The following PTPRR variants were observed in gnomAD, a reference collection of about 807,000 sequenced individuals.
PTPRR encodes protein tyrosine phosphatase receptor type R, also known as receptor-type tyrosine-protein phosphatase R.
PTPRR carries 38 observed loss-of-function variants against 77.2 expected under a neutral mutation model. The observed-to-expected ratio is 0.49, with a 90% CI of 0.38 to 0.65. PTPRR has a LOEUF of 0.65. Among genes scored for constraint, PTPRR ranks in the 30% least tolerant of loss-of-function variants. The pLI is 0.00. For synonymous variants in PTPRR, 299 were observed against 283.1 expected (o/e 1.06, Z -0.57); for missense variants, 744 against 799.2 (o/e 0.93, Z 0.83).
intron 1 of PTPRR, among the ~76,000 whole-genome samples, chr12:70,913,473 T>C (rs766317266): frequency 6.6e-6 from 1 of 152,172 alleles, no homozygotes; most frequent in African/African-American, 2.4e-5. Context: ...GGTTAGGAGT[T>C]CCGGGTCCAT....
At chr12:70,649,438 A>G (rs1198331094) in intron 13 of PTPRR, among the ~76,000 whole-genome samples, 2 of 152,232 alleles carry the variant, frequency 1.3e-5, no homozygotes, top group East Asian at 3.8e-4. Flanking sequence ...TTGTTAAAAA[A>G]GAGTAGAAAA....
At chr12:70,726,947 G>T (rs548388601) in intron 6 of PTPRR, among the ~76,000 whole-genome samples, 1 of 151,806 alleles carries the variant, frequency 6.6e-6, no homozygotes, top group African/African-American at 2.4e-5. Context: ...TCTAAGATTT[G>T]TATATTTACG....
chr12:70,853,424 T>C (rs1014682870), intron 2 of PTPRR, among the ~76,000 whole-genome samples: 4 of 152,166 alleles, frequency 2.6e-5, no homozygotes, highest in African/African-American at 9.7e-5. Flanking sequence ...TGAAGAAAAA[T>C]AGAAATCCAA....
At chr12:70,890,376 T>C (rs1213704677) in intron 2 of PTPRR, among the ~76,000 whole-genome samples, 1 of 152,154 alleles carries the variant, frequency 6.6e-6, no homozygotes, top group East Asian at 1.9e-4. Context: ...TGTGGATAAA[T>C]GCTCTTATGA....
chr12:70,696,017 A>G (rs952903490), intron 8 of PTPRR, among the ~76,000 whole-genome samples: 6 of 152,228 alleles, frequency 3.9e-5, no homozygotes, highest in Admixed American at 1.3e-4. Context: ...TTATGAATGA[A>G]TTAATGAACT....
chr12:70,653,164 A>G (rs764295040), intron 13 of PTPRR, among the ~76,000 whole-genome samples: 1 of 152,124 alleles, frequency 6.6e-6, no homozygotes, highest in Non-Finnish European at 1.5e-5. Context: ...AGCCTTGTCT[A>G]CAGAAGCACA....
At chr12:70,763,865 C>T (rs1442355870) in intron 3 of PTPRR, among the ~76,000 whole-genome samples, 3 of 152,130 alleles carry the variant, frequency 2.0e-5, no homozygotes, top group African/African-American at 4.8e-5. Flanking sequence ...CCTTTGCTCA[C>T]GCCCACTTTC....
At chr12:70,819,705 A>C (rs1489046074) in intron 2 of PTPRR, among the ~76,000 whole-genome samples, 1 of 152,204 alleles carries the variant, frequency 6.6e-6, no homozygotes, top group Non-Finnish European at 1.5e-5. Context: ...AATTGGGTGG[A>C]ATCCTGGAAG....
intron 2 of PTPRR, among the ~76,000 whole-genome samples, chr12:70,772,632 C>G (rs1265553472): frequency 1.3e-5 from 2 of 152,018 alleles, no homozygotes; most frequent in African/African-American, 4.8e-5. Flanking sequence ...TAGGGTCTCT[C>G]AATGCTTGCA....
intron 10 of PTPRR, chr12:70,673,067 A>G (rs1184000288): frequency 1.7e-6 from 2 of 1,170,576 alleles, no homozygotes; most frequent in Non-Finnish European, 2.2e-6. Context: ...AGAAAGAAAT[A>G]TATATTTGAC....
chr12:70,643,895 C>G (rs1479071242), intron 13 of PTPRR, among the ~76,000 whole-genome samples: 1 of 152,090 alleles, frequency 6.6e-6, no homozygotes, highest in East Asian at 1.9e-4. Flanking sequence ...GCTGGGACTA[C>G]AGGTGTGCAC....
intron 1 of PTPRR, among the ~76,000 whole-genome samples, chr12:70,896,913 G>C (rs1402660960): frequency 1.3e-5 from 2 of 151,822 alleles, no homozygotes; most frequent in Non-Finnish European, 1.5e-5. Context: ...TCAAAGATCA[G>C]ATAGTTGTAG....
At chr12:70,647,330 T>C (rs1886237788) in intron 13 of PTPRR, among the ~76,000 whole-genome samples, 1 of 152,250 alleles carries the variant, frequency 6.6e-6, no homozygotes, top group African/African-American at 2.4e-5. Flanking sequence ...CAATCTGCAA[T>C]GGAATATGTT....
chr12:70,674,925 T>C (rs1030661136), intron 10 of PTPRR, among the ~76,000 whole-genome samples: 1 of 152,120 alleles, frequency 6.6e-6, no homozygotes, highest in African/African-American at 2.4e-5. Context: ...ATGTATATTA[T>C]GCATTTATAT....
intron 10 of PTPRR, among the ~76,000 whole-genome samples, chr12:70,683,178 G>A (rs1305818819): frequency 6.6e-6 from 1 of 152,104 alleles, no homozygotes; most frequent in Non-Finnish European, 1.5e-5. Flanking sequence ...GCTTATAAAG[G>A]AATGCTTAGT....
intron 6 of PTPRR, among the ~76,000 whole-genome samples, chr12:70,741,962 C>G (rs1323836147): frequency 6.6e-6 from 1 of 152,000 alleles, no homozygotes; most frequent in Non-Finnish European, 1.5e-5. Context: ...TCTTGGGCAT[C>G]TAACAGTGGT....
At chr12:70,863,304 C>G (rs1221814108) in intron 2 of PTPRR, among the ~76,000 whole-genome samples, 18 of 152,090 alleles carry the variant, frequency 1.2e-4, no homozygotes. Context: ...TGTGTGCTAT[C>G]AGAATAACCA....
intron 12 of PTPRR, among the ~76,000 whole-genome samples, chr12:70,657,582 T>A (rs1006829368): frequency 5.9e-5 from 9 of 152,236 alleles, no homozygotes; most frequent in Non-Finnish European, 1.2e-4. Flanking sequence ...AATCTACATC[T>A]AGACTCCCTA....
At chr12:70,828,675 A>C (rs1266384393) in intron 2 of PTPRR, among the ~76,000 whole-genome samples, 1 of 152,188 alleles carries the variant, frequency 6.6e-6, no homozygotes, top group Non-Finnish European at 1.5e-5. Flanking sequence ...ATCGATTCTT[A>C]TTAGCTAGAA....
Sources: gnomAD v4.1 joint callset for allele counts (sites outside exome capture counted in the v4.1 genomes callset) on GRCh38, gnomAD v4.1.1 for gene constraint, MANE v1.5 for transcripts, NCBI Gene and HGNC (gene_info 2026-07-23, HGNC 2026-07-21) for gene names.